APP: variants seen among roughly 807,000 people sequenced by gnomAD.
APP encodes the protein amyloid beta precursor protein.
A neutral mutation model predicts 101.4 loss-of-function variants in APP; 31 were observed. The ratio of observed to expected loss-of-function variants is 0.31; its 90% CI spans 0.23 to 0.41. APP has a LOEUF of 0.41. APP is among the 10% of genes least tolerant of loss of function. APP has a pLI of 1.00. For missense variants in APP, 839 were observed against 1,003.7 expected, an observed-to-expected ratio of 0.84 and a Z score of 2.22; for synonymous variants, 366 against 364.4, an observed-to-expected ratio of 1.00 and a Z score of -0.05.
chr21:26,039,234 C>T (rs2045264049), intron 5 of APP, among the ~76,000 whole-genome samples: 1 of 152,152 alleles, frequency 6.6e-6, no homozygotes, highest in Non-Finnish European at 1.5e-5. Flanking sequence ...CTACATTAAT[C>T]TCATGACTAC....
At chr21:26,060,529 A>G (rs1043630089) in intron 3 of APP, among the ~76,000 whole-genome samples, 13 of 152,220 alleles carry the variant, frequency 8.5e-5, no homozygotes, top group African/African-American at 3.1e-4. Context: ...AAAACGATAT[A>G]TGATCCTAGC....
intron 6 of APP, among the ~76,000 whole-genome samples, chr21:26,015,765 CCGT>C (rs1157735063): frequency 2.0e-5 from 3 of 146,974 alleles, no homozygotes; most frequent in Non-Finnish European, 4.5e-5. Flanking sequence ...TTCACAGTCA[CCGT>C]CTTATAGTGA....
chr21:25,936,545 A>G (rs2040372011), intron 13 of APP, among the ~76,000 whole-genome samples: 1 of 152,130 alleles, frequency 6.6e-6, no homozygotes, highest in Non-Finnish European at 1.5e-5. Context: ...CTCTGTCTCA[A>G]CAAAACAAAA....
chr21:25,884,164 CCG>C (rs2037172679), intron 17 of APP, among the ~76,000 whole-genome samples: 1 of 152,216 alleles, frequency 6.6e-6, no homozygotes, highest in Admixed American at 6.5e-5. Context: ...CAGGCATGAG[CCG>C]CCATGGCCAT....
intron 2 of APP, among the ~76,000 whole-genome samples, chr21:26,097,522 G>A (rs2061969764): frequency 6.7e-6 from 1 of 150,276 alleles, no homozygotes; most frequent in South Asian, 2.1e-4. Flanking sequence ...TTGAGGGAAA[G>A]TAAGTATCTC....
chr21:26,142,526 T>A (rs1310545810), intron 1 of APP, among the ~76,000 whole-genome samples: 1 of 152,126 alleles, frequency 6.6e-6, no homozygotes. Flanking sequence ...TCCAGCACTT[T>A]GGGAGATAGA....
chr21:26,077,888 T>A (rs1303044723), intron 3 of APP, among the ~76,000 whole-genome samples: 1 of 152,022 alleles, frequency 6.6e-6, no homozygotes, highest in Non-Finnish European at 1.5e-5. Context: ...GTGACTAATA[T>A]GATAAAAGAG....
intron 6 of APP, among the ~76,000 whole-genome samples, chr21:26,016,577 T>G (rs554115604): frequency 6.6e-6 from 1 of 152,110 alleles, no homozygotes; most frequent in East Asian, 1.9e-4. Flanking sequence ...ACAATTTATT[T>G]TATTCTTTTT....
At chr21:26,047,420 G>A (rs972639422) in intron 5 of APP, among the ~76,000 whole-genome samples, 2 of 152,204 alleles carry the variant, frequency 1.3e-5, no homozygotes, top group African/African-American at 4.8e-5. Context: ...TCAAAAGGAG[G>A]GCTGGTTCCT....
intron 5 of APP, among the ~76,000 whole-genome samples, chr21:26,027,548 G>T (rs1044107224): frequency 6.6e-6 from 1 of 152,150 alleles, no homozygotes; most frequent in African/African-American, 2.4e-5. Context: ...TGTTAGAAGC[G>T]AAACACAAGG....
At chr21:26,129,168 T>C (rs539075873) in intron 1 of APP, among the ~76,000 whole-genome samples, 8 of 152,264 alleles carry the variant, frequency 5.3e-5, no homozygotes, top group Middle Eastern at 3.4e-3. Context: ...AAGGTCCCAA[T>C]GCAGTGTAAA....
At position 25,965,070 on chromosome 21, in the gene APP, ACT is replaced by A. The variant is rs949565917; in HGVS notation, c.1459-9317_1459-9316del. ...CCCCATGATTCATGCTTTCAGACAA[ACT>A]CTAGCACAGAATGGATAAAGAGCTA... On this transcript the variant is annotated intron_variant, in intron 11 of 17. Transcript: ENST00000346798. Among the ~76,000 whole-genome samples the A allele has an allele frequency of 3.3e-5, 5 of 152,190 alleles. No individual in the cohort carries two copies. The South Asian group carries it at 1.0e-3, about 32-fold the overall frequency.
intron 5 of APP, among the ~76,000 whole-genome samples, chr21:26,025,143 G>A (rs775654163): frequency 1.1e-4 from 16 of 152,072 alleles, no homozygotes; most frequent in East Asian, 5.8e-4. Flanking sequence ...ATTATTGCAC[G>A]AAAGTTTACT....
intron 5 of APP, among the ~76,000 whole-genome samples, chr21:26,046,091 C>A (rs1399199594): frequency 1.3e-5 from 2 of 151,818 alleles, no homozygotes; most frequent in Non-Finnish European, 2.9e-5. Flanking sequence ...AAAGACTTGC[C>A]CCCATGATTC....
intron 1 of APP, among the ~76,000 whole-genome samples, chr21:26,143,664 A>G (rs1055250223): frequency 1.3e-5 from 2 of 152,192 alleles, no homozygotes; most frequent in African/African-American, 4.8e-5. Flanking sequence ...TATTAATCTC[A>G]TAACTGCAAG....
chr21:25,992,282 G>C (rs1410232831), intron 8 of APP, among the ~76,000 whole-genome samples: 1 of 152,008 alleles, frequency 6.6e-6, no homozygotes, highest in African/African-American at 2.4e-5. Flanking sequence ...CAGCTACTTG[G>C]GAGGCTGAGA....
At chr21:25,960,117 A>C (rs531798980) in intron 11 of APP, among the ~76,000 whole-genome samples, 4 of 102 alleles carry the variant, frequency 0.039, no homozygotes, top group East Asian at 0.29. Flanking sequence ...TCAAAATTAC[A>C]AAGTTTCCAG....
At chr21:26,146,325 A>ATT (rs1168981356) in intron 1 of APP, among the ~76,000 whole-genome samples, 1 of 152,246 alleles carries the variant, frequency 6.6e-6, no homozygotes, top group African/African-American at 2.4e-5. Context: ...AATATCTGTT[A>ATT]TCAATTGACA....
intron 6 of APP, 109 bp from the exon 7 acceptor site, chr21:26,000,291 G>T: frequency 7.3e-7 from 1 of 1,372,542 alleles, no homozygotes; most frequent in Non-Finnish European, 1.0e-6. Flanking sequence ...ACCTGGACTG[G>T]TTTATTAGGC....
Sources: allele counts gnomAD v4.1 joint callset (sites outside exome capture counted in the v4.1 genomes callset), GRCh38; gene constraint gnomAD v4.1.1; transcripts MANE v1.5; gene names NCBI Gene and HGNC (gene_info 2026-07-23, HGNC 2026-07-21).